The following HIP1 variants were observed in gnomAD, a reference collection of about 807,000 sequenced individuals.
HIP1 encodes the protein huntingtin interacting protein 1.
A neutral mutation model predicts 147.6 loss-of-function variants in HIP1; 65 were observed. That is an observed-to-expected ratio of 0.44 (90% CI 0.36 to 0.54). HIP1 has a LOEUF of 0.54. HIP1 is among the 20% of genes least tolerant of loss of function. HIP1 has a pLI of 0.00. For synonymous variants in HIP1, 479 were observed against 504.0 expected (o/e 0.95, Z 0.67); for missense variants, 1,061 against 1,299.6 (o/e 0.82, Z 2.82).
Position 75,548,978 on chromosome 7 carries a change from G to A in HIP1, c.2319C>T (p.Asp773=). The part of the protein sequence containing the change: ...IGEELLPRGL[D]IKQEELGDLV... The stretch of plus-strand genomic sequence containing the variant: ...GGTCCCCCAGCTCCTCCTGCTTGAT[G>A]TCCAGTCCCCTGGGCAGGAGCTCCT... Residue 773 remains aspartate, a synonymous_variant, in exon 23 of 31, where the codon GAC becomes GAT. Transcript: ENST00000336926. 1.2e-6 allele frequency: 2 copies of A among 1,613,936 alleles called. No individual in the cohort carries two copies. The highest frequency in any genetic ancestry group is 8.5e-7 in the Non-Finnish European group (1 of 1,179,830).
rs554597901 is a variant in HIP1 at position 75,726,124 on chromosome 7, G to A, written c.120+12677C>T. Among the ~76,000 whole-genome samples, 6 of 152,252 alleles carry A rather than the reference G, an allele frequency of 3.9e-5. No homozygotes were observed. In the East Asian group the frequency reaches 7.7e-4, roughly 20 times the overall value. ...ATCACAAACTGCTAGGATTGCAGGC[G>A]TGAGCCACCGCGCCCAGCTGTGCTT... On this transcript the variant is annotated intron_variant, in intron 1 of 30. Coordinates refer to ENST00000336926, the MANE Select transcript of HIP1 (RefSeq NM_005338.7).
At chr7:75,625,720 A>C (rs1162680973) in intron 1 of HIP1, 1 of 152,132 alleles carries the variant, frequency 6.6e-6, no homozygotes, top group Non-Finnish European at 1.5e-5. Context: ...TGGTATGAAG[A>C]GGTAGGGACT....
intron 1 of HIP1, among the ~76,000 whole-genome samples, chr7:75,716,397 T>C (rs577410723): frequency 6.6e-6 from 1 of 151,788 alleles, no homozygotes; most frequent in South Asian, 2.1e-4. Flanking sequence ...TAATTTTTTG[T>C]ACTTTAGTAG....
At chr7:75,734,749 G>A (rs73145068) in intron 1 of HIP1, among the ~76,000 whole-genome samples, 1,746 of 152,218 alleles carry the variant, frequency 0.011, 21 homozygotes, top group Non-Finnish European at 0.018. Context: ...CACTGCACCC[G>A]CTGGGAAGTT....
At chr7:75,577,343 AAAC>A (rs1277897487) in intron 7 of HIP1, among the ~76,000 whole-genome samples, 6 of 151,788 alleles carry the variant, frequency 4.0e-5, no homozygotes, top group Admixed American at 6.6e-5. Flanking sequence ...AAAAAAAAAA[AAAC>A]GAGAGAGAGA....
intron 1 of HIP1, among the ~76,000 whole-genome samples, chr7:75,676,207 A>G (rs1584942541): frequency 6.6e-6 from 1 of 152,188 alleles, no homozygotes; most frequent in Non-Finnish European, 1.5e-5. Context: ...TTCTTTGCGC[A>G]GTTAACTTAG....
intron 27 of HIP1, 82 bp from the exon 28 acceptor site, chr7:75,543,056 A>G: frequency 6.8e-7 from 1 of 1,465,494 alleles, no homozygotes; most frequent in South Asian, 1.4e-5. Flanking sequence ...GATGGTTCTT[A>G]GCAAACATAT....
At chr7:75,609,898 C>CT (rs1584875749) in intron 1 of HIP1, among the ~76,000 whole-genome samples, 1 of 141,568 alleles carries the variant, frequency 7.1e-6, no homozygotes, top group African/African-American at 2.7e-5. Flanking sequence ...CTTTTCTCTT[C>CT]TTTTCTTTTT....
At chr7:75,654,913 G>A (rs1222083611) in intron 1 of HIP1, among the ~76,000 whole-genome samples, 7 of 151,968 alleles carry the variant, frequency 4.6e-5, no homozygotes, top group African/African-American at 1.7e-4. Context: ...TACTCTGGAG[G>A]CTTAGGCAGG....
chr7:75,703,731 G>A (rs1554519394), intron 1 of HIP1, among the ~76,000 whole-genome samples: 1 of 152,148 alleles, frequency 6.6e-6, no homozygotes, highest in African/African-American at 2.4e-5. Context: ...AGCTGGAGAG[G>A]TCTTTAAAAA....
chr7:75,578,065 G>A (rs1489618966), intron 7 of HIP1, among the ~76,000 whole-genome samples: 3 of 152,114 alleles, frequency 2.0e-5, no homozygotes, highest in Non-Finnish European at 4.4e-5. Flanking sequence ...AAAAAAGATG[G>A]CTGAGCTCAC....
chr7:75,669,269 A>G (rs1178885427), intron 1 of HIP1, among the ~76,000 whole-genome samples: 2 of 152,110 alleles, frequency 1.3e-5, no homozygotes, highest in African/African-American at 4.8e-5. Context: ...GCTACTCGGG[A>G]GGCTGAGGCA....
intron 1 of HIP1, among the ~76,000 whole-genome samples, chr7:75,713,022 C>T (rs549732817): frequency 6.6e-6 from 1 of 152,360 alleles, no homozygotes; most frequent in Admixed American, 6.5e-5. Flanking sequence ...ACTCACTCAA[C>T]ACATTTCCTC....
intron 7 of HIP1, 135 bp downstream of exon 7, chr7:75,581,102 T>C (rs189309384): frequency 1.5e-6 from 1 of 669,744 alleles, no homozygotes; most frequent in East Asian, 2.8e-5. Context: ...TGCACGAGGG[T>C]TGGAGAGACC....
At chr7:75,553,862 C>T (rs587595627) in intron 21 of HIP1, among the ~76,000 whole-genome samples, 1 of 152,316 alleles carries the variant, frequency 6.6e-6, no homozygotes, top group Non-Finnish European at 1.5e-5. Flanking sequence ...CCTCGTCCTC[C>T]CAAAGTGTTA....
Position 75,536,931 on chromosome 7 carries a change from C to T in HIP1, c.*1241G>A, listed in dbSNP as rs73368367. Reference sequence around the variant, plus strand: ...GTAGCAAACCAAGTATAGGGTTCTTCCCTGATGGGAGCAATTGCATCTGAT... The same window carrying T: ...GTAGCAAACCAAGTATAGGGTTCTTTCCTGATGGGAGCAATTGCATCTGAT... On this transcript the variant is annotated 3_prime_UTR_variant, in exon 31 of 31. Coordinates refer to ENST00000336926, the MANE Select transcript of HIP1 (RefSeq NM_005338.7). 13,725 of 231,270 alleles carry T rather than the reference C, an allele frequency of 0.059. 1,783 individuals are homozygous for T. The highest frequency in any genetic ancestry group is 0.27 in the African/African-American group (12,419 of 45,232). 14.3% of individuals were successfully genotyped at this position (231,270 alleles called of 1,614,324 possible).
intron 1 of HIP1, among the ~76,000 whole-genome samples, chr7:75,736,831 CTTTCTTTT>C (rs1221690516): frequency 2.0e-5 from 3 of 151,788 alleles, no homozygotes; most frequent in Admixed American, 1.3e-4. Flanking sequence ...CATGGAGGCA[CTTTCTTTT>C]TTTCTTTTTC....
intron 30 of HIP1, 63 bp downstream of exon 30, chr7:75,539,260 G>T: frequency 8.5e-7 from 1 of 1,179,194 alleles, no homozygotes; most frequent in Non-Finnish European, 1.3e-6. Flanking sequence ...CTAGGGGAAG[G>T]CCCTGGCCAC....
At chr7:75,692,575 C>T (rs1232585848) in intron 1 of HIP1, among the ~76,000 whole-genome samples, 1 of 145,556 alleles carries the variant, frequency 6.9e-6, no homozygotes, top group Non-Finnish European at 1.5e-5. Context: ...CATGAACCAC[C>T]ACGCCTGGCC....
Sources: allele counts gnomAD v4.1 joint callset (sites outside exome capture counted in the v4.1 genomes callset), GRCh38; gene constraint gnomAD v4.1.1; transcripts MANE v1.5; gene names NCBI Gene and HGNC (gene_info 2026-07-23, HGNC 2026-07-21).